APBA2: variants seen among roughly 807,000 people sequenced by gnomAD.
APBA2 encodes amyloid beta precursor protein binding family A member 2.
APBA2 carries 30 observed loss-of-function variants against 75.0 expected under a neutral mutation model. The ratio of observed to expected loss-of-function variants is 0.40; its 90% CI spans 0.30 to 0.54. The LOEUF (loss-of-function observed/expected upper bound fraction) is 0.54, where lower values mean the gene tolerates loss of function less well. Among genes scored for constraint, APBA2 ranks in the 20% least tolerant of loss-of-function variants. The pLI is 0.49. For missense variants in APBA2, 801 were observed against 1,016.1 expected, an observed-to-expected ratio of 0.79 and a Z score of 2.88; for synonymous variants, 444 against 409.6, an observed-to-expected ratio of 1.08 and a Z score of -1.01.
chr15:29,035,252 G>A (rs900616697), intron 3 of APBA2, among the ~76,000 whole-genome samples: 2 of 152,184 alleles, frequency 1.3e-5, no homozygotes, highest in East Asian at 1.9e-4. Context: ...GCTTGCTACC[G>A]GGGCAGAGAA....
At chr15:29,101,303 C>T (rs1013800787) in intron 9 of APBA2, among the ~76,000 whole-genome samples, 17 of 151,590 alleles carry the variant, frequency 1.1e-4, no homozygotes, top group African/African-American at 1.7e-4. Flanking sequence ...AATCTCGGCT[C>T]GATGCAACCT....
At chr15:29,105,588 C>A (rs1464032876) in intron 11 of APBA2, 30 bp downstream of exon 11, 2 of 1,610,732 alleles carry the variant, frequency 1.2e-6, no homozygotes, top group Non-Finnish European at 1.7e-6. Flanking sequence ...CTCAGGGAGG[C>A]CACATTTGCC....
intron 13 of APBA2, among the ~76,000 whole-genome samples, chr15:29,113,335 C>T (rs560143363): frequency 8.6e-5 from 13 of 151,538 alleles, no homozygotes; most frequent in African/African-American, 2.7e-4. Context: ...GCACAAAATG[C>T]CCTTACGTCA....
At chr15:28,958,870 T>G (rs1055096320) in intron 2 of APBA2, among the ~76,000 whole-genome samples, 2 of 152,098 alleles carry the variant, frequency 1.3e-5, no homozygotes, top group East Asian at 3.9e-4. Flanking sequence ...ATTTCCAAGT[T>G]TTCCTTACTT....
At chr15:28,963,428 C>T (rs2036578254) in intron 2 of APBA2, among the ~76,000 whole-genome samples, 2 of 152,302 alleles carry the variant, frequency 1.3e-5, no homozygotes, top group Middle Eastern at 3.4e-3. Context: ...CTTTCATCCT[C>T]CCCACCCACC....
intron 2 of APBA2, among the ~76,000 whole-genome samples, chr15:28,966,077 A>AT (rs1042311533): frequency 1.3e-5 from 2 of 149,232 alleles, no homozygotes; most frequent in Admixed American, 6.6e-5. Context: ...CATGATTTTA[A>AT]TTTTTTTGAA....
At chr15:28,938,065 C>T (rs1425264119) in intron 2 of APBA2, among the ~76,000 whole-genome samples, 1 of 152,204 alleles carries the variant, frequency 6.6e-6, no homozygotes, top group Non-Finnish European at 1.5e-5. Context: ...CAACCCCCCA[C>T]CTGATAAGCA....
At chr15:28,927,345 T>G (rs78233765) in intron 2 of APBA2, among the ~76,000 whole-genome samples, 6 of 120,096 alleles carry the variant, frequency 5.0e-5, no homozygotes, top group South Asian at 2.7e-4. Context: ...TTTTGTTTTT[T>G]TTTTGTTTTG....
intron 13 of APBA2, among the ~76,000 whole-genome samples, 154 bp from the exon 14 acceptor site, chr15:29,113,717 GCATAT>G (rs1221204712): frequency 6.6e-6 from 1 of 152,220 alleles, no homozygotes; most frequent in Non-Finnish European, 1.5e-5. Flanking sequence ...GAAACATACT[GCATAT>G]CATAAGGATC....
chr15:28,972,270 G>A (rs1053480758), intron 2 of APBA2, among the ~76,000 whole-genome samples: 10 of 152,144 alleles, frequency 6.6e-5, no homozygotes, highest in African/African-American at 2.2e-4. Flanking sequence ...CTAAAACAAG[G>A]CAATGGAACA....
chr15:28,903,139 G>A (rs1417806873), intron 1 of APBA2, among the ~76,000 whole-genome samples: 1 of 152,180 alleles, frequency 6.6e-6, no homozygotes, highest in South Asian at 2.1e-4. Flanking sequence ...GATGATGCCG[G>A]CAGCAGTGTC....
intron 3 of APBA2, among the ~76,000 whole-genome samples, chr15:29,047,608 G>A (rs1277928865): frequency 1.3e-5 from 2 of 152,180 alleles, no homozygotes; most frequent in Admixed American, 1.3e-4. Context: ...TAAAGTGAAA[G>A]CATTTTCATT....
intron 2 of APBA2, among the ~76,000 whole-genome samples, chr15:28,987,979 A>T (rs1016937850): frequency 6.6e-6 from 1 of 151,570 alleles, no homozygotes; most frequent in Non-Finnish European, 1.5e-5. Flanking sequence ...CTGGTCTCGA[A>T]TTCCTGACCT....
intron 2 of APBA2, among the ~76,000 whole-genome samples, chr15:28,974,128 G>A (rs1312836452): frequency 6.6e-6 from 1 of 152,164 alleles, no homozygotes; most frequent in Non-Finnish European, 1.5e-5. Flanking sequence ...GATCCAGGAA[G>A]GCTGAAAATG....
At chr15:29,042,740 A>G (rs2152865684) in intron 3 of APBA2, among the ~76,000 whole-genome samples, 1 of 152,264 alleles carries the variant, frequency 6.6e-6, no homozygotes, top group South Asian at 2.1e-4. Flanking sequence ...AACAAGCAGA[A>G]GCAGACTTTT....
intron 2 of APBA2, among the ~76,000 whole-genome samples, chr15:28,931,202 A>C (rs928949571): frequency 6.6e-6 from 1 of 152,142 alleles, no homozygotes; most frequent in African/African-American, 2.4e-5. Context: ...GCATCTGTTG[A>C]TGTGGGATGC....
At chr15:29,044,978 C>G (rs532914736) in intron 3 of APBA2, among the ~76,000 whole-genome samples, 2 of 152,096 alleles carry the variant, frequency 1.3e-5, no homozygotes, top group South Asian at 2.1e-4. Context: ...CTTTCTGTGT[C>G]CACACATGGT....
intron 2 of APBA2, among the ~76,000 whole-genome samples, chr15:28,989,444 C>T (rs758366048): frequency 2.0e-5 from 3 of 152,170 alleles, no homozygotes; most frequent in Non-Finnish European, 2.9e-5. Context: ...CTAATGCAAC[C>T]TAGTGTGCTG....
At chr15:28,971,306 G>A (rs2037055870) in intron 2 of APBA2, among the ~76,000 whole-genome samples, 1 of 152,106 alleles carries the variant, frequency 6.6e-6, no homozygotes, top group Admixed American at 6.5e-5. Flanking sequence ...AAAACATACA[G>A]TTAATCAGGA....
Sources: allele counts gnomAD v4.1 joint callset (sites outside exome capture counted in the v4.1 genomes callset), GRCh38; gene constraint gnomAD v4.1.1; transcripts MANE v1.5; gene names NCBI Gene and HGNC (gene_info 2026-07-23, HGNC 2026-07-21).